PLEKHA7: variants seen among roughly 807,000 people sequenced by gnomAD.
PLEKHA7 encodes the protein pleckstrin homology domain-containing family A member 7.
Under a neutral mutation model 170.0 loss-of-function variants are expected in PLEKHA7, and 104 were observed. That is an observed-to-expected ratio of 0.61 (90% confidence interval 0.52 to 0.72). The LOEUF is 0.72. Among genes scored for constraint, PLEKHA7 ranks in the 30% least tolerant of loss-of-function variants. The pLI, the probability that PLEKHA7 is intolerant of heterozygous loss-of-function variation, is 0.00. For synonymous variants in PLEKHA7, 648 were observed against 660.8 expected (o/e 0.98, Z 0.30); for missense variants, 1,615 against 1,671.7 (o/e 0.97, Z 0.59).
chr11:16,853,014 T>C (rs976500455), intron 6 of PLEKHA7, among the ~76,000 whole-genome samples: 1 of 152,170 alleles, frequency 6.6e-6, no homozygotes, highest in Admixed American at 6.6e-5. Context: ...ACAGAATGTT[T>C]TGGGGTGAGT....
chr11:16,828,125 C>T (rs756135939), intron 9 of PLEKHA7, among the ~76,000 whole-genome samples: 1 of 152,170 alleles, frequency 6.6e-6, no homozygotes. Flanking sequence ...TTGCCTTTAA[C>T]TTAGGCAGAG....
At chr11:16,820,969 G>A (rs1850171528) in intron 10 of PLEKHA7, among the ~76,000 whole-genome samples, 1 of 152,134 alleles carries the variant, frequency 6.6e-6, no homozygotes, top group Admixed American at 6.5e-5. Flanking sequence ...GCGAGCAAGT[G>A]GGTGCTTCCA....
At chr11:16,856,931 C>A (rs904978386) in intron 4 of PLEKHA7, among the ~76,000 whole-genome samples, 16 of 152,124 alleles carry the variant, frequency 1.1e-4, no homozygotes, top group African/African-American at 3.6e-4. Flanking sequence ...AGGCTCTTTG[C>A]CTGAAGAGTG....
intron 3 of PLEKHA7, among the ~76,000 whole-genome samples, chr11:16,988,666 G>A (rs906025939): frequency 4.2e-5 from 6 of 143,092 alleles, no homozygotes; most frequent in Non-Finnish European, 9.2e-5. Context: ...CAGGCTGGTC[G>A]AACTCCTGAC....
At chr11:16,904,543 CA>C (rs1168769176) in intron 3 of PLEKHA7, among the ~76,000 whole-genome samples, 1 of 152,126 alleles carries the variant, frequency 6.6e-6, no homozygotes, top group African/African-American at 2.4e-5. Context: ...ATTATCTTTA[CA>C]AAATGCAAGG....
At chr11:16,906,027 AG>A (rs1857638341) in intron 3 of PLEKHA7, among the ~76,000 whole-genome samples, 1 of 152,188 alleles carries the variant, frequency 6.6e-6, no homozygotes, top group African/African-American at 2.4e-5. Flanking sequence ...TGCTGAGGGC[AG>A]GTGACAGCCT....
intron 3 of PLEKHA7, among the ~76,000 whole-genome samples, chr11:16,939,656 C>T (rs1860545485): frequency 6.6e-6 from 1 of 152,200 alleles, no homozygotes; most frequent in South Asian, 2.1e-4. Flanking sequence ...TAAAACTATG[C>T]AGATGCTGTC....
At chr11:16,892,450 TTTTGTTTTG>T (rs1856711605) in intron 3 of PLEKHA7, among the ~76,000 whole-genome samples, 3 of 97,764 alleles carry the variant, frequency 3.1e-5, no homozygotes, top group South Asian at 5.2e-4. Flanking sequence ...TTTTGTTTTG[TTTTGTTTTG>T]TTTTGAGATA....
At chr11:16,797,548 C>T (rs1848317143) in intron 17 of PLEKHA7, among the ~76,000 whole-genome samples, 1 of 152,216 alleles carries the variant, frequency 6.6e-6, no homozygotes, top group Admixed American at 6.5e-5. Context: ...AAGTCCAAAG[C>T]CTCCTGTCCC....
chr11:16,972,663 C>T (rs1862796931), intron 3 of PLEKHA7, among the ~76,000 whole-genome samples: 1 of 152,066 alleles, frequency 6.6e-6, no homozygotes, highest in Non-Finnish European at 1.5e-5. Flanking sequence ...TCAAACAATC[C>T]TCCTGCCTTG....
intron 4 of PLEKHA7, among the ~76,000 whole-genome samples, chr11:16,868,743 A>G (rs1398183403): frequency 6.6e-6 from 1 of 152,210 alleles, no homozygotes; most frequent in Non-Finnish European, 1.5e-5. Flanking sequence ...ATCTAGAGGA[A>G]AAAAGTAAGC....
chr11:16,898,143 A>C (rs897448604), intron 3 of PLEKHA7, among the ~76,000 whole-genome samples: 3 of 152,182 alleles, frequency 2.0e-5, no homozygotes, highest in Non-Finnish European at 4.4e-5. Context: ...CACATGATCC[A>C]TCCCGGCATC....
chr11:16,991,074 C>T (rs527729252), intron 3 of PLEKHA7, among the ~76,000 whole-genome samples: 2 of 152,220 alleles, frequency 1.3e-5, no homozygotes, highest in African/African-American at 4.8e-5. Context: ...AACAAGGATG[C>T]CGGTGGTTCC....
Position 16,782,839 on chromosome 11 carries a change from G to A in PLEKHA7, c.3708C>T (p.Asp1236=). 6.5e-7 allele frequency: 1 copy of A among 1,536,188 alleles called. No homozygotes were observed. The highest frequency in any genetic ancestry group is 8.7e-7 in the Non-Finnish European group (1 of 1,146,918). ...GQDQNSVADL[D]LQLQEQERII... The stretch of plus-strand genomic sequence containing the variant: ...TGCGCTCCTGCTCCTGCAGCTGCAA[G>A]TCCAGGTCAGCCACACTGTTCTGGT... The change falls in exon 26 of 27, where the codon GAC becomes GAT. Residue 1236 remains aspartate, a synonymous_variant. Transcript: ENST00000531066.
At chr11:16,864,486 T>C (rs532761474) in intron 4 of PLEKHA7, among the ~76,000 whole-genome samples, 1 of 152,326 alleles carries the variant, frequency 6.6e-6, no homozygotes, top group East Asian at 1.9e-4. Context: ...CTATAAACTG[T>C]CTGATACAGT....
In PLEKHA7 at chr11:16,778,862, A is replaced by C. The variant is rs1333026705; in HGVS notation, c.*136T>G. On this transcript the variant is annotated 3_prime_UTR_variant, in exon 27 of 27. Coordinates refer to ENST00000531066, the MANE Select transcript of PLEKHA7 (RefSeq NM_001329630.2). Reference sequence around the variant, plus strand: ...GGCCTGGCCTGTGGTGAACACCCGCAGTCGGTAAGCTGCTCCTTCCTCCGG... The same window carrying C: ...GGCCTGGCCTGTGGTGAACACCCGCCGTCGGTAAGCTGCTCCTTCCTCCGG... 1 of 684,080 alleles carries C rather than the reference A, an allele frequency of 1.5e-6. No individual in the cohort carries two copies. The highest frequency in any genetic ancestry group is 2.7e-6 in the Non-Finnish European group (1 of 375,028). The allele number at this position is 684,080 out of a possible 1,614,324, so 42.4% of individuals were successfully genotyped here.
At chr11:16,829,335 T>C (rs890344667) in intron 9 of PLEKHA7, among the ~76,000 whole-genome samples, 3 of 152,110 alleles carry the variant, frequency 2.0e-5, no homozygotes, top group Non-Finnish European at 2.9e-5. Flanking sequence ...CTTTTTCAGT[T>C]GTTAGAGTTT....
At chr11:16,805,805 A>T (rs1004403061) in intron 13 of PLEKHA7, among the ~76,000 whole-genome samples, 1 of 143,986 alleles carries the variant, frequency 6.9e-6, no homozygotes. Context: ...AAAAAAAAAA[A>T]AACAAAAACA....
chr11:16,986,635 C>T (rs1257562127), intron 3 of PLEKHA7, among the ~76,000 whole-genome samples: 3 of 152,162 alleles, frequency 2.0e-5, no homozygotes, highest in Non-Finnish European at 4.4e-5. Flanking sequence ...GGGGAGAAGA[C>T]GCCCTGGCCC....
Sources: allele counts gnomAD v4.1 joint callset (sites outside exome capture counted in the v4.1 genomes callset), GRCh38; gene constraint gnomAD v4.1.1; transcripts MANE v1.5; gene names NCBI Gene and HGNC (gene_info 2026-07-23, HGNC 2026-07-21).